The following PLCB1 variants were observed in gnomAD, a reference collection of about 807,000 sequenced individuals.
PLCB1 encodes the protein 1-phosphatidylinositol 4,5-bisphosphate phosphodiesterase beta-1.
PLCB1 carries 46 observed loss-of-function variants against 161.8 expected under a neutral mutation model. The ratio of observed to expected loss-of-function variants is 0.28; its 90% CI spans 0.22 to 0.36. The LOEUF (loss-of-function observed/expected upper bound fraction) is 0.36. PLCB1 is among the 10% of genes least tolerant of loss of function. PLCB1 has a pLI of 1.00. For missense variants in PLCB1, 1,016 were observed against 1,472.5 expected, an observed-to-expected ratio of 0.69 and a Z score of 5.07; for synonymous variants, 517 against 503.7, an observed-to-expected ratio of 1.03 and a Z score of -0.35.
chr20:8,614,267 C>A (rs1987986556), intron 3 of PLCB1, among the ~76,000 whole-genome samples: 1 of 151,926 alleles, frequency 6.6e-6, no homozygotes, highest in African/African-American at 2.4e-5. Flanking sequence ...AATATCAATA[C>A]CTTTGGCCCT....
At chr20:8,353,528 G>A (rs1019748746) in intron 2 of PLCB1, among the ~76,000 whole-genome samples, 3 of 152,014 alleles carry the variant, frequency 2.0e-5, no homozygotes, top group Non-Finnish European at 4.4e-5. Context: ...AGCTGACCAA[G>A]GATAATCTCA....
intron 2 of PLCB1, among the ~76,000 whole-genome samples, chr20:8,319,234 A>G (rs1461876242): frequency 6.6e-6 from 1 of 152,146 alleles, no homozygotes; most frequent in East Asian, 1.9e-4. Context: ...TCCCAACCTC[A>G]GTGGCTTACG....
chr20:8,402,998 G>C (rs559105041), intron 3 of PLCB1, among the ~76,000 whole-genome samples: 2 of 151,700 alleles, frequency 1.3e-5, no homozygotes, highest in East Asian at 3.9e-4. Flanking sequence ...TGATGACTTG[G>C]TAAAATTCTC....
chr20:8,750,809 A>G (rs751445528), intron 23 of PLCB1: 1 of 1,359,176 alleles, frequency 7.4e-7, no homozygotes, highest in South Asian at 1.1e-5. Flanking sequence ...AGTAGGGTGG[A>G]TTTCTGCATG....
At chr20:8,877,319 G>T (rs764952645) in intron 31 of PLCB1, among the ~76,000 whole-genome samples, 1 of 152,176 alleles carries the variant, frequency 6.6e-6, no homozygotes, top group Non-Finnish European at 1.5e-5. Flanking sequence ...GGAGTCCCCT[G>T]GTTAAAGCCA....
In PLCB1 at chr20:8,579,062, G is replaced by T. The variant is rs139334871; in HGVS notation, c.247-49232G>T. Among the ~76,000 whole-genome samples the T allele has an allele frequency of 4.3e-3, 647 of 152,078 alleles. 6 individuals are homozygous for T. The Middle Eastern group carries it at 0.044, about 10-fold the overall frequency. Reference sequence around the variant, plus strand: ...AGTTATACTTGCTGCTATTTACTTCGCCAGAAGACTGATTGCATTATTGGC... The same window carrying T: ...AGTTATACTTGCTGCTATTTACTTCTCCAGAAGACTGATTGCATTATTGGC... On this transcript the variant is annotated intron_variant, in intron 3 of 31. Coordinates refer to ENST00000338037, the MANE Select transcript of PLCB1 (RefSeq NM_015192.4).
At chr20:8,285,427 G>A (rs183518055) in intron 2 of PLCB1, among the ~76,000 whole-genome samples, 2 of 152,000 alleles carry the variant, frequency 1.3e-5, no homozygotes, top group African/African-American at 4.8e-5. Context: ...ATGAAATAAT[G>A]GTGGCTAGAT....
intron 2 of PLCB1, among the ~76,000 whole-genome samples, chr20:8,364,753 T>C (rs573093473): frequency 6.6e-6 from 1 of 152,352 alleles, no homozygotes; most frequent in South Asian, 2.1e-4. Context: ...CCCATGTCAA[T>C]TGACAGTTAC....
chr20:8,700,543 A>G (rs1990678188), intron 11 of PLCB1, among the ~76,000 whole-genome samples: 2 of 152,184 alleles, frequency 1.3e-5, no homozygotes, highest in Admixed American at 1.3e-4. Flanking sequence ...TGGCTTCTCA[A>G]CCACGTCCAT....
At chr20:8,469,792 C>A (rs1369062707) in intron 3 of PLCB1, among the ~76,000 whole-genome samples, 1 of 152,096 alleles carries the variant, frequency 6.6e-6, no homozygotes, top group Non-Finnish European at 1.5e-5. Context: ...ATTCACACAC[C>A]ATACAATTCA....
intron 1 of PLCB1, among the ~76,000 whole-genome samples, chr20:8,133,023 G>A (rs2051308753): frequency 6.6e-6 from 1 of 152,158 alleles, no homozygotes; most frequent in African/African-American, 2.4e-5. Flanking sequence ...CAGTGGAGAG[G>A]GAGGGGCAAG....
At chr20:8,295,539 A>G (rs1983587264) in intron 2 of PLCB1, among the ~76,000 whole-genome samples, 1 of 152,082 alleles carries the variant, frequency 6.6e-6, no homozygotes, top group African/African-American at 2.4e-5. Context: ...TCTATTATGG[A>G]CCAAATCTAT....
chr20:8,619,651 G>T (rs1310803307), intron 3 of PLCB1, among the ~76,000 whole-genome samples: 1 of 152,110 alleles, frequency 6.6e-6, no homozygotes, highest in African/African-American at 2.4e-5. Flanking sequence ...TTGAGAATAT[G>T]AGTTGCCTAA....
chr20:8,836,220 A>AC (rs1986278270), intron 31 of PLCB1, among the ~76,000 whole-genome samples: 1 of 152,122 alleles, frequency 6.6e-6, no homozygotes, highest in Non-Finnish European at 1.5e-5. Flanking sequence ...AACCCCAATA[A>AC]CTGCCCAGAT....
Position 8,776,440 on chromosome 20 carries a change from T to C in PLCB1, c.3111+1721T>C, listed in dbSNP as rs536130575. On this transcript the variant is annotated intron_variant, in intron 27 of 31. Coordinates refer to ENST00000338037, the MANE Select transcript of PLCB1 (RefSeq NM_015192.4). ...ATCATAATGAAGGGAGTTGCTCTGG[T>C]GTCCTGCTCACACAGAGAGCACACA... 1.3e-4 allele frequency among the ~76,000 whole-genome samples: 20 copies of C among 152,296 alleles called. 1 individual carries two copies. In the East Asian group the frequency reaches 3.9e-3, roughly 29 times the overall value.
At chr20:8,834,872 T>C (rs1247521747) in intron 31 of PLCB1, among the ~76,000 whole-genome samples, 1 of 147,770 alleles carries the variant, frequency 6.8e-6, no homozygotes, top group Admixed American at 6.7e-5. Flanking sequence ...AGAACCAATG[T>C]CTTAGTTCAG....
rs147332663 is a variant in PLCB1 at position 8,369,684 on chromosome 20, G to A, written c.178-1698G>A. 2.8e-3 allele frequency among the ~76,000 whole-genome samples: 432 copies of A among 152,216 alleles called. 3 individuals carry two copies. In the Middle Eastern group the frequency reaches 0.037, roughly 13 times the overall value. ...CCACCTGTCACACCCCAGGGGTTTG[G>A]GAGAATTTCCACAGGGTCAGACACA... On this transcript the variant is annotated intron_variant, in intron 2 of 31. Transcript: ENST00000338037.
chr20:8,310,026 C>CTT (rs140705995), intron 2 of PLCB1, among the ~76,000 whole-genome samples: 2 of 146,620 alleles, frequency 1.4e-5, no homozygotes, highest in African/African-American at 5.0e-5. Flanking sequence ...TTAGTGTTTT[C>CTT]TTTTTTTTTT....
At chr20:8,197,535 G>C (rs539481210) in intron 2 of PLCB1, among the ~76,000 whole-genome samples, 2 of 152,206 alleles carry the variant, frequency 1.3e-5, no homozygotes, top group Non-Finnish European at 1.5e-5. Context: ...ATTTGTTTGA[G>C]TTCATTGTAG....
Sources: allele counts gnomAD v4.1 joint callset (sites outside exome capture counted in the v4.1 genomes callset), GRCh38; gene constraint gnomAD v4.1.1; transcripts MANE v1.5; gene names NCBI Gene and HGNC (gene_info 2026-07-23, HGNC 2026-07-21).